TMTC2: variants seen among roughly 807,000 people sequenced by gnomAD.
The protein encoded by TMTC2 is transmembrane O-mannosyltransferase targeting cadherins 2, also known as protein O-mannosyl-transferase TMTC2.
TMTC2 carries 43 observed loss-of-function variants against 82.4 expected under a neutral mutation model. That is an observed-to-expected ratio of 0.52 (90% confidence interval 0.41 to 0.67). TMTC2 has a LOEUF of 0.67. Among genes scored for constraint, TMTC2 ranks in the 30% least tolerant of loss-of-function variants. The probability of loss-of-function intolerance (pLI) is 0.00; values close to 1 mark genes in which losing one functional copy is unlikely to be tolerated. For missense variants in TMTC2, 919 were observed against 1,012.4 expected, an observed-to-expected ratio of 0.91 and a Z score of 1.25; for synonymous variants, 408 against 381.9, an observed-to-expected ratio of 1.07 and a Z score of -0.80.
intron 11 of TMTC2, among the ~76,000 whole-genome samples, chr12:83,103,058 G>A (rs959041352): frequency 6.6e-6 from 1 of 152,182 alleles, no homozygotes; most frequent in African/African-American, 2.4e-5. Context: ...CAAAGGCAAG[G>A]AAGAGGGGGT....
intron 1 of TMTC2, among the ~76,000 whole-genome samples, chr12:82,791,970 C>T (rs952697954): frequency 1.3e-5 from 2 of 152,148 alleles, no homozygotes; most frequent in South Asian, 2.1e-4. Context: ...CATGACATGA[C>T]GTATACTTCC....
At chr12:82,729,097 G>A (rs370682564) in intron 1 of TMTC2, among the ~76,000 whole-genome samples, 1 of 152,244 alleles carries the variant, frequency 6.6e-6, no homozygotes. Context: ...CCCAAGGGCT[G>A]AGGAGTGCTG....
chr12:83,025,902 A>G (rs1370162938), intron 8 of TMTC2, among the ~76,000 whole-genome samples: 6 of 152,216 alleles, frequency 3.9e-5, no homozygotes, highest in African/African-American at 1.4e-4. Context: ...TCAGCATAGG[A>G]ACTTCTGCCC....
intron 8 of TMTC2, among the ~76,000 whole-genome samples, chr12:82,994,304 C>T (rs1279004803): frequency 6.6e-6 from 1 of 152,152 alleles, no homozygotes; most frequent in Non-Finnish European, 1.5e-5. Flanking sequence ...CAGGTGCCCG[C>T]TACCGGGCCC....
At chr12:83,102,431 T>C (rs1884251231) in intron 11 of TMTC2, among the ~76,000 whole-genome samples, 1 of 152,204 alleles carries the variant, frequency 6.6e-6, no homozygotes, top group African/African-American at 2.4e-5. Flanking sequence ...AGACTTTATC[T>C]TGGCAAGAGG....
chr12:82,862,154 G>A (rs1019696212), intron 2 of TMTC2, among the ~76,000 whole-genome samples: 3 of 152,098 alleles, frequency 2.0e-5, no homozygotes, highest in Non-Finnish European at 2.9e-5. Context: ...AAAAATAAGG[G>A]GGGAAAAGCC....
intron 4 of TMTC2, among the ~76,000 whole-genome samples, chr12:82,938,892 C>T (rs1182409926): frequency 3.3e-5 from 5 of 152,064 alleles, no homozygotes; most frequent in Admixed American, 2.0e-4. Context: ...GATCTTACTA[C>T]GTTTTTGGTA....
chr12:82,947,978 A>C (rs989142245), intron 4 of TMTC2, among the ~76,000 whole-genome samples: 3 of 152,186 alleles, frequency 2.0e-5, no homozygotes, highest in African/African-American at 7.2e-5. Flanking sequence ...TGCCTATGGC[A>C]ATGAATTGCT....
intron 1 of TMTC2, among the ~76,000 whole-genome samples, chr12:82,835,827 T>G (rs1036043308): frequency 2.6e-5 from 4 of 152,118 alleles, no homozygotes; most frequent in African/African-American, 9.7e-5. Flanking sequence ...TTGACCCCCT[T>G]ATGCCCCCAC....
intron 8 of TMTC2, among the ~76,000 whole-genome samples, chr12:83,020,720 C>A (rs12320976): frequency 0.077 from 11,757 of 152,136 alleles, 658 homozygotes; most frequent in East Asian, 0.29. Flanking sequence ...GTGATTGTAA[C>A]CTATCAAATT....
intron 4 of TMTC2, among the ~76,000 whole-genome samples, chr12:82,934,172 C>G (rs1876191372): frequency 1.3e-5 from 2 of 151,988 alleles, no homozygotes; most frequent in Admixed American, 6.6e-5. Flanking sequence ...AATAGAGGAG[C>G]CAATATATGA....
intron 1 of TMTC2, among the ~76,000 whole-genome samples, chr12:82,732,778 A>T (rs762688862): frequency 8.5e-5 from 13 of 152,200 alleles, no homozygotes; most frequent in Non-Finnish European, 1.8e-4. Flanking sequence ...CAATTAAGTA[A>T]TTTTATAGTT....
intron 1 of TMTC2, among the ~76,000 whole-genome samples, chr12:82,793,419 C>G (rs556652792): frequency 7.2e-4 from 107 of 147,832 alleles, no homozygotes; most frequent in Non-Finnish European, 1.4e-3. Flanking sequence ...AATGTAGGGA[C>G]AGATTTACTT....
intron 7 of TMTC2, among the ~76,000 whole-genome samples, chr12:82,968,022 C>T (rs1316506154): frequency 1.3e-5 from 2 of 152,072 alleles, no homozygotes; most frequent in East Asian, 3.9e-4. Context: ...TAAGAACACT[C>T]ACGTTCTCTT....
chr12:82,696,963 C>CATATATATATATATATAT (rs1491534159), intron 1 of TMTC2, among the ~76,000 whole-genome samples: 14 of 121,412 alleles, frequency 1.2e-4, no homozygotes, highest in African/African-American at 3.4e-4. Flanking sequence ...TACATACATA[C>CATATATATATATATATAT]GTATATATAT....
intron 4 of TMTC2, among the ~76,000 whole-genome samples, chr12:82,937,975 C>T (rs1482942893): frequency 7.2e-6 from 1 of 139,204 alleles, no homozygotes; most frequent in Non-Finnish European, 1.5e-5. Flanking sequence ...AGTGCAGTGG[C>T]GTGATCTCAG....
At position 82,930,546 on chromosome 12, in the gene TMTC2, G is replaced by A. The variant is rs1875973147; in HGVS notation, c.1598+1G>A. ...ACATGGCTGACATGCTTTATAATTTGTGAGTATGCCTTGCTTCTCTGGTTT... is the reference window on the plus strand; with the variant it reads ...ACATGGCTGACATGCTTTATAATTTATGAGTATGCCTTGCTTCTCTGGTTT... On this transcript the variant is annotated splice_donor_variant, in intron 4 of 11. Coordinates refer to ENST00000321196, the MANE Select transcript of TMTC2 (RefSeq NM_152588.3). LOFTEE classifies it high-confidence loss of function. 6.4e-7 allele frequency: 1 copy of A among 1,567,484 alleles called. No individual in the cohort carries two copies. Among genetic ancestry groups the A allele is most frequent in the Non-Finnish European group, 8.7e-7 (1 of 1,145,536 alleles).
chr12:82,753,697 CAA>C (rs765987156), intron 1 of TMTC2, among the ~76,000 whole-genome samples: 7 of 152,094 alleles, frequency 4.6e-5, no homozygotes, highest in Non-Finnish European at 8.8e-5. Flanking sequence ...ATGAGATTGC[CAA>C]AGGCACAGTT....
At chr12:82,976,504 A>G (rs1878681655) in intron 7 of TMTC2, among the ~76,000 whole-genome samples, 1 of 152,084 alleles carries the variant, frequency 6.6e-6, no homozygotes, top group Non-Finnish European at 1.5e-5. Flanking sequence ...ATAGGACTTG[A>G]AGAGTTGTAT....
Sources: allele counts gnomAD v4.1 joint callset (sites outside exome capture counted in the v4.1 genomes callset), GRCh38; gene constraint gnomAD v4.1.1; transcripts MANE v1.5; gene names NCBI Gene and HGNC (gene_info 2026-07-23, HGNC 2026-07-21).